Variants in EPHB1 observed in about 807,000 individuals in gnomAD.
EPHB1 encodes the protein ephrin type-B receptor 1.
EPHB1 carries 30 observed loss-of-function variants against 94.4 expected under a neutral mutation model. The ratio of observed to expected loss-of-function variants is 0.32; its 90% CI spans 0.24 to 0.43. EPHB1 has a LOEUF of 0.43. EPHB1 is among the 20% of genes least tolerant of loss of function. The pLI, the probability that EPHB1 is intolerant of heterozygous loss-of-function variation, is 1.00. For synonymous variants in EPHB1, 522 were observed against 489.1 expected (o/e 1.07, Z -0.89); for missense variants, 1,055 against 1,308.3 (o/e 0.81, Z 2.99).
intron 1 of EPHB1, among the ~76,000 whole-genome samples, chr3:134,916,778 C>T (rs1050507980): frequency 3.0e-4 from 45 of 152,222 alleles, no homozygotes; most frequent in Non-Finnish European, 5.3e-4. Flanking sequence ...GATCCGGCTC[C>T]GGCCTCGGCC....
At chr3:134,925,737 C>T (rs1456873631) in intron 1 of EPHB1, 79 bp from the exon 2 acceptor site, 12 of 1,213,374 alleles carry the variant, frequency 9.9e-6, no homozygotes, top group Middle Eastern at 2.8e-4. Context: ...CAAACAACTT[C>T]GTGACCTTGA....
In EPHB1 at chr3:134,955,475, T is replaced by C. The variant is rs1224118999; in HGVS notation, c.805+3423T>C. Among the ~76,000 whole-genome samples the C allele has an allele frequency of 4.1e-5, 4 of 98,176 alleles. 1 individual carries two copies. The highest frequency in any genetic ancestry group is 8.0e-5 in the Non-Finnish European group (4 of 49,940). The allele number at this position is 98,176 out of a possible 152,430, so 64.4% of individuals were successfully genotyped here. A position where few individuals can be genotyped will look rare whatever the true frequency, so the allele number is the denominator to read the frequency against. On this transcript the variant is annotated intron_variant, in intron 3 of 15. Transcript: ENST00000398015. ...TGGCTGCATAGTATTCCATGGTGTA[T>C]ATGTGCCACATTTTCTTAATCCAGT...
intron 1 of EPHB1, among the ~76,000 whole-genome samples, chr3:134,826,469 T>C (rs1429389983): frequency 1.3e-5 from 2 of 152,194 alleles, no homozygotes; most frequent in Non-Finnish European, 2.9e-5. Context: ...TGGATCTTGC[T>C]GTGTCCTTCA....
chr3:134,921,677 A>G (rs1227433875), intron 1 of EPHB1, among the ~76,000 whole-genome samples: 2 of 152,272 alleles, frequency 1.3e-5, no homozygotes, highest in Non-Finnish European at 2.9e-5. Flanking sequence ...TATCGATATC[A>G]TATAGAATAT....
chr3:135,135,008 A>C (rs1283779786), intron 5 of EPHB1, among the ~76,000 whole-genome samples: 1 of 152,116 alleles, frequency 6.6e-6, no homozygotes, highest in Non-Finnish European at 1.5e-5. Flanking sequence ...GGGGCCCTGC[A>C]TTACCAACAT....
At chr3:134,815,465 G>A (rs2108287670) in intron 1 of EPHB1, among the ~76,000 whole-genome samples, 1 of 152,208 alleles carries the variant, frequency 6.6e-6, no homozygotes, top group Non-Finnish European at 1.5e-5. Flanking sequence ...TATATGTGGT[G>A]AGGAAAGAGA....
intron 1 of EPHB1, among the ~76,000 whole-genome samples, chr3:134,844,790 T>G (rs1224014649): frequency 6.6e-6 from 1 of 152,222 alleles, no homozygotes; most frequent in Admixed American, 6.5e-5. Context: ...CTGAGATGAT[T>G]GTTTTTGTCA....
chr3:135,129,376 A>C (rs1940336442), intron 4 of EPHB1, among the ~76,000 whole-genome samples: 1 of 151,870 alleles, frequency 6.6e-6, no homozygotes, highest in African/African-American at 2.4e-5. Context: ...CCTTTGCCTC[A>C]CCAAAGCCTC....
At chr3:135,252,218 ATTTT>A (rs1213860871) in intron 15 of EPHB1, among the ~76,000 whole-genome samples, 9 of 150,622 alleles carry the variant, frequency 6.0e-5, no homozygotes, top group Admixed American at 2.6e-4. Flanking sequence ...TTTTTTATTT[ATTTT>A]TTATTATTAT....
rs903713419 is a variant in EPHB1 at position 134,976,860 on chromosome 3, T to C, written c.805+24808T>C. The stretch of plus-strand genomic sequence containing the variant: ...AAATCTCTTGCACCCAGCCTCCCAG[T>C]AGGTGGAGACTTTGTGGCCTTGAAC... On this transcript the variant is annotated intron_variant, in intron 3 of 15. Coordinates refer to ENST00000398015, the MANE Select transcript of EPHB1 (RefSeq NM_004441.5). Among the ~76,000 whole-genome samples the C allele has an allele frequency of 2.6e-5, 4 of 152,286 alleles. No homozygotes were observed. In the East Asian group the frequency reaches 7.7e-4, roughly 29 times the overall value.
intron 1 of EPHB1, among the ~76,000 whole-genome samples, chr3:134,908,814 T>C (rs1442520647): frequency 6.6e-6 from 1 of 152,046 alleles, no homozygotes; most frequent in African/African-American, 2.4e-5. Flanking sequence ...GAAGAGGAGC[T>C]TCTTGTCAGA....
chr3:135,219,006 G>A (rs1376088988), intron 12 of EPHB1, among the ~76,000 whole-genome samples: 1 of 152,190 alleles, frequency 6.6e-6, no homozygotes, highest in African/African-American at 2.4e-5. Flanking sequence ...AGAGTGTGGA[G>A]GAGAGGAGGG....
At chr3:134,856,328 C>T (rs909670561) in intron 1 of EPHB1, among the ~76,000 whole-genome samples, 2 of 152,136 alleles carry the variant, frequency 1.3e-5, no homozygotes, top group African/African-American at 4.8e-5. Context: ...CTAGGCAACC[C>T]AGCCTCCCCT....
chr3:134,990,916 A>G (rs1559785456), intron 3 of EPHB1, among the ~76,000 whole-genome samples: 1 of 152,092 alleles, frequency 6.6e-6, no homozygotes, highest in East Asian at 1.9e-4. Flanking sequence ...TTATTCCATT[A>G]TATTTGGCTT....
chr3:135,123,795 A>C (rs1940081925), intron 4 of EPHB1, among the ~76,000 whole-genome samples: 1 of 149,124 alleles, frequency 6.7e-6, no homozygotes, highest in Non-Finnish European at 1.5e-5. Flanking sequence ...GATGTTACAA[A>C]GTATTCAGAA....
At chr3:134,940,107 T>C (rs954759718) in intron 2 of EPHB1, among the ~76,000 whole-genome samples, 2 of 150,132 alleles carry the variant, frequency 1.3e-5, no homozygotes, top group African/African-American at 4.9e-5. Context: ...TTTCTCTGTG[T>C]CTGTAAGGAG....
At chr3:134,890,808 A>C (rs1447459405) in intron 1 of EPHB1, among the ~76,000 whole-genome samples, 1 of 152,160 alleles carries the variant, frequency 6.6e-6, no homozygotes, top group Non-Finnish European at 1.5e-5. Context: ...TATATTTTCA[A>C]GTATTTTGTC....
intron 13 of EPHB1, among the ~76,000 whole-genome samples, chr3:135,248,029 C>T (rs1047802124): frequency 2.0e-5 from 3 of 152,206 alleles, no homozygotes; most frequent in Admixed American, 6.5e-5. Context: ...TGTTCACTGG[C>T]TCATTCTTCA....
At chr3:134,925,602 A>G (rs770078578) in intron 1 of EPHB1, among the ~76,000 whole-genome samples, 23 of 152,254 alleles carry the variant, frequency 1.5e-4, no homozygotes, top group Admixed American at 8.5e-4. Flanking sequence ...TGAAGTCTGT[A>G]TCCAACTTTG....
Sources: gnomAD v4.1 joint callset for allele counts (sites outside exome capture counted in the v4.1 genomes callset) on GRCh38, gnomAD v4.1.1 for gene constraint, MANE v1.5 for transcripts, NCBI Gene and HGNC (gene_info 2026-07-23, HGNC 2026-07-21) for gene names.